ZBTB2: variants seen among roughly 807,000 people sequenced by gnomAD.
The protein encoded by ZBTB2 is zinc finger and BTB domain containing 2, also known as zinc finger and BTB domain-containing protein 2.
ZBTB2 carries 2 observed loss-of-function variants against 39.5 expected under a neutral mutation model. The observed-to-expected ratio is 0.05, with a 90% CI of 0.02 to 0.16. The LOEUF is 0.16. ZBTB2 is among the 10% of genes least tolerant of loss of function. The pLI, the probability that ZBTB2 is intolerant of heterozygous loss-of-function variation, is 1.00. For synonymous variants in ZBTB2, 251 were observed against 256.6 expected (o/e 0.98, Z 0.21); for missense variants, 391 against 653.0 (o/e 0.60, Z 4.37).
At chr6:151,390,363 T>C (rs1456668520) in intron 1 of ZBTB2, among the ~76,000 whole-genome samples, 1 of 146,240 alleles carries the variant, frequency 6.8e-6, no homozygotes, top group South Asian at 2.2e-4. Flanking sequence ...CCTGTCCCCG[T>C]CCCCGAGGGG....
At chr6:151,377,642 C>T (rs62441543) in intron 1 of ZBTB2, among the ~76,000 whole-genome samples, 3 of 148,574 alleles carry the variant, frequency 2.0e-5, no homozygotes, top group Non-Finnish European at 3.0e-5. Flanking sequence ...TGGGTTCAAG[C>T]GATTCTCCCG....
At chr6:151,367,123 AT>A (rs762359532) in intron 2 of ZBTB2, among the ~76,000 whole-genome samples, 2,681 of 144,384 alleles carry the variant, frequency 0.019, 61 homozygotes, top group African/African-American at 0.058. Context: ...TAGTAAGTTA[AT>A]TTTTTTTTTT....
intron 1 of ZBTB2, among the ~76,000 whole-genome samples, chr6:151,390,196 G>A (rs1005785703): frequency 2.0e-5 from 3 of 151,858 alleles, no homozygotes; most frequent in East Asian, 2.0e-4. Context: ...CAGCCTCAGC[G>A]AGCAGGCGAC....
intron 1 of ZBTB2, among the ~76,000 whole-genome samples, chr6:151,391,057 C>T (rs528251479): frequency 3.3e-4 from 47 of 141,160 alleles, no homozygotes; most frequent in African/African-American, 3.1e-4. Flanking sequence ...GCCCTCTCGG[C>T]TTCCGTCCCC....
chr6:151,383,686 A>T (rs1465655495), intron 1 of ZBTB2, among the ~76,000 whole-genome samples: 1 of 152,146 alleles, frequency 6.6e-6, no homozygotes, highest in Non-Finnish European at 1.5e-5. Context: ...ATCTGCACAC[A>T]GGCTTAGAAC....
intron 2 of ZBTB2, among the ~76,000 whole-genome samples, chr6:151,369,612 C>T (rs1778736712): frequency 6.6e-6 from 1 of 152,142 alleles, no homozygotes; most frequent in African/African-American, 2.4e-5. Flanking sequence ...GCGTGAACCA[C>T]TGCACGCAGC....
In ZBTB2 at chr6:151,380,708, G is replaced by A. The variant is rs1247855259; in HGVS notation, c.-12-7059C>T. Among the ~76,000 whole-genome samples the A allele has an allele frequency of 2.6e-5, 4 of 152,276 alleles. No homozygotes were observed. The East Asian group carries it at 7.7e-4, about 29-fold the overall frequency. On this transcript the variant is annotated intron_variant, in intron 1 of 2. Transcript: ENST00000325144. The stretch of plus-strand genomic sequence containing the variant: ...TTTGGTCTCTGGTTTTCAGGCTGCA[G>A]CTCTCTGGTTTTCGACTCACCACAG...
chr6:151,389,541 A>T (rs1275566422), intron 1 of ZBTB2, among the ~76,000 whole-genome samples: 1 of 152,248 alleles, frequency 6.6e-6, no homozygotes, highest in Non-Finnish European at 1.5e-5. Flanking sequence ...AGGACAGGGC[A>T]GCGCGTTTAA....
chr6:151,366,171 C>T lies in ZBTB2; in HGVS notation c.895G>A (p.Ala299Thr), dbSNP rs927970346. The change falls in exon 3 of 3, where the codon GCA (alanine) becomes ACA (threonine). Residue 299 changes from alanine (A) to threonine (T), a missense_variant. Ala to Thr is a moderately conservative substitution (Grantham distance 58). Coordinates refer to ENST00000325144, the MANE Select transcript of ZBTB2 (RefSeq NM_020861.3). The surrounding 1 kb of genome is among the most constrained non-coding windows in gnomAD (Gnocchi z 7.1). ...SRVPLTLCSN[A>T]ADLGKDAMEV... ...ATGGCATCTTTCCCGAGGTCAGCTG[C>T]ATTGCTACAGAGAGTCAGGGGGACG... is the stretch of plus-strand genomic sequence containing the variant. 2 of 1,614,160 alleles carry T rather than the reference C, an allele frequency of 1.2e-6. No individual in the cohort carries two copies. Among genetic ancestry groups the T allele is most frequent in the Non-Finnish European group, 1.7e-6 (2 of 1,180,036 alleles).
At position 151,373,529 on chromosome 6, in the gene ZBTB2, C is replaced by T. The variant is rs1386818332; in HGVS notation, c.109G>A (p.Ala37Thr). Residue 37 changes from alanine to threonine, a missense_variant, in exon 2 of 3, where the codon GCA becomes ACA. Around this residue, in one of 7 missense-constraint regions of ZBTB2, gnomAD observed 38 missense variants for 109.2 expected, o/e 0.35. Transcript: ENST00000325144. ...AATGAAGCAAGAACTGATTTGTGTG[C>T]CTTGAAGTATACATCGCCGATTGCA... ...TVAIGDVYFK[A>T]HKSVLASFSN... 6.2e-7 allele frequency: 1 copy of T among 1,614,086 alleles called. No homozygotes were observed. Among genetic ancestry groups the T allele is most frequent in the Non-Finnish European group, 8.5e-7 (1 of 1,180,024 alleles).
At chr6:151,382,807 G>A (rs1000165155) in intron 1 of ZBTB2, among the ~76,000 whole-genome samples, 3 of 152,048 alleles carry the variant, frequency 2.0e-5, no homozygotes, top group Admixed American at 1.3e-4. Flanking sequence ...CCACCCGCTC[G>A]GCCTCCCAAA....
Position 151,365,923 on chromosome 6 carries a change from G to A in ZBTB2, c.1143C>T (p.His381=), listed in dbSNP as rs1778636383. The part of the protein sequence containing the change: ...KFIQKSHWRE[H]MYIHTGKPFK... ...AAGGCTTCCCGGTGTGTATGTACATGTGTTCCCTCCAGTGGCTTTTCTGGA... is the reference window on the plus strand; with the variant it reads ...AAGGCTTCCCGGTGTGTATGTACATATGTTCCCTCCAGTGGCTTTTCTGGA... Residue 381 remains histidine (H), a synonymous_variant, in exon 3 of 3, where the codon CAC becomes CAT. Coordinates refer to ENST00000325144, the MANE Select transcript of ZBTB2 (RefSeq NM_020861.3). This position sits in a 1 kb window ranked among gnomAD's most constrained non-coding sequence, Gnocchi z 5.6. 8 of 1,614,204 alleles carry A rather than the reference G, an allele frequency of 5.0e-6. No homozygotes were observed. The highest frequency in any genetic ancestry group is 5.9e-6 in the Non-Finnish European group (7 of 1,180,052).
intron 1 of ZBTB2, among the ~76,000 whole-genome samples, chr6:151,383,405 G>C (rs1370183783): frequency 6.6e-6 from 1 of 152,126 alleles, no homozygotes; most frequent in Non-Finnish European, 1.5e-5. Flanking sequence ...CAAGGGTCCA[G>C]CTTGTTTTGA....
Position 151,366,488 on chromosome 6 carries a change from G to A in ZBTB2, c.578C>T (p.Thr193Ile). The A allele has an allele frequency of 6.2e-7, 1 of 1,614,100 alleles. No homozygotes were observed. The highest frequency in any genetic ancestry group is 8.5e-7 in the Non-Finnish European group (1 of 1,180,016). ...CGAGGTCTGCAGGGGGTCTGAGGGA[G>A]TCATATTTGTCCGATTCACCTGGGC... ...NLAQVNRTNMTPSDPLQTSLS... is the reference protein window; with the variant it reads ...NLAQVNRTNMIPSDPLQTSLS... The change falls in exon 3 of 3, where the codon ACT (threonine) becomes ATT (isoleucine). Residue 193 changes from threonine to isoleucine, a missense_variant. Physicochemically the swap from Thr to Ile is moderately conservative, Grantham distance 89. Around this residue, in one of 7 missense-constraint regions of ZBTB2, gnomAD observed 175 missense variants for 198.6 expected, o/e 0.88. Transcript: ENST00000325144. This position sits in a 1 kb window ranked among gnomAD's most constrained non-coding sequence, Gnocchi z 7.1.
At chr6:151,381,486 A>G (rs1779033831) in intron 1 of ZBTB2, among the ~76,000 whole-genome samples, 1 of 152,108 alleles carries the variant, frequency 6.6e-6, no homozygotes, top group Non-Finnish European at 1.5e-5. Flanking sequence ...ATGCCACTGC[A>G]CTCTAGCCTG....
Position 151,365,426 on chromosome 6 carries a change from G to T in ZBTB2, c.*95C>A. 7.1e-7 allele frequency: 1 copy of T among 1,403,072 alleles called. No individual in the cohort carries two copies. The highest frequency in any genetic ancestry group is 9.7e-7 in the Non-Finnish European group (1 of 1,031,740). 86.9% of individuals were successfully genotyped at this position (1,403,072 alleles called of 1,614,324 possible). On this transcript the variant is annotated 3_prime_UTR_variant, in exon 3 of 3. Transcript: ENST00000325144. The surrounding 1 kb of genome is among the most constrained non-coding windows in gnomAD (Gnocchi z 5.6). ...AGGAGAAGAGAACAAGGACCTGTTT[G>T]TATCATGCCATGGAGAACTACAGTT...
intron 1 of ZBTB2, among the ~76,000 whole-genome samples, chr6:151,390,787 C>G (rs1779279417): frequency 6.7e-6 from 1 of 150,362 alleles, no homozygotes; most frequent in Non-Finnish European, 1.5e-5. Flanking sequence ...TCCCCTCCCC[C>G]AAACCCACTT....
At position 151,388,698 on chromosome 6, in the gene ZBTB2, C is replaced by T. The variant is rs149963235; in HGVS notation, c.-13+2722G>A. On this transcript the variant is annotated intron_variant, in intron 1 of 2. Coordinates refer to ENST00000325144, the MANE Select transcript of ZBTB2 (RefSeq NM_020861.3). Reference sequence around the variant, plus strand: ...ACATTTTTCTATTATTTTATATTATCTTATAAAAGTGCAGATTTTGGAGGT... The same window carrying T: ...ACATTTTTCTATTATTTTATATTATTTTATAAAAGTGCAGATTTTGGAGGT... 3.0e-3 allele frequency among the ~76,000 whole-genome samples: 454 copies of T among 152,226 alleles called. 15 individuals carry two copies. The highest frequency in any genetic ancestry group is 0.027 in the Admixed American group (413 of 15,288).
chr6:151,364,122 T>G lies in ZBTB2; in HGVS notation c.*1399A>C, dbSNP rs1317488381. ...AGATGACATGACATCATATACTCAT[T>G]TAATTAAACGTTTATTCAATGAAAG... On this transcript the variant is annotated 3_prime_UTR_variant, in exon 3 of 3. Transcript: ENST00000325144. 1 of 152,258 alleles carries G rather than the reference T, an allele frequency of 6.6e-6. No individual in the cohort carries two copies. Among genetic ancestry groups the G allele is most frequent in the African/African-American group, 2.4e-5 (1 of 41,376 alleles). The allele number at this position is 152,258 out of a possible 1,614,324, so 9.4% of individuals were successfully genotyped here. A position where few individuals can be genotyped will look rare whatever the true frequency, so the allele number is the denominator to read the frequency against.
Sources: gnomAD v4.1 joint callset for allele counts (sites outside exome capture counted in the v4.1 genomes callset) on GRCh38, gnomAD v4.1.1 for gene constraint, gnomAD v4.1.1 regional missense constraint, Gnocchi (gnomAD v3.1) non-coding constraint, MANE v1.5 for transcripts, NCBI Gene and HGNC (gene_info 2026-07-23, HGNC 2026-07-21) for gene names.